EHBP1: variants seen among roughly 807,000 people sequenced by gnomAD.
The protein encoded by EHBP1 is EH domain binding protein 1.
In EHBP1, 55 loss-of-function variants were observed where a neutral mutation model predicts 144.0. The ratio of observed to expected loss-of-function variants is 0.38; its 90% CI spans 0.31 to 0.48. The LOEUF is 0.48. EHBP1 is among the 20% of genes least tolerant of loss of function. The pLI, the probability that EHBP1 is intolerant of heterozygous loss-of-function variation, is 0.98. For missense variants in EHBP1, 1,200 were observed against 1,364.2 expected (o/e 0.88, Z 1.90); for synonymous variants, 469 against 472.7 (o/e 0.99, Z 0.10).
chr2:62,884,607 G>T (rs1207178106), intron 10 of EHBP1, among the ~76,000 whole-genome samples: 1 of 152,114 alleles, frequency 6.6e-6, no homozygotes, highest in Non-Finnish European at 1.5e-5. Flanking sequence ...GTAGACTATT[G>T]CCAAACCAAA....
At chr2:62,792,808 C>T (rs146215059) in intron 5 of EHBP1, among the ~76,000 whole-genome samples, 3 of 152,034 alleles carry the variant, frequency 2.0e-5, no homozygotes, top group African/African-American at 4.8e-5. Context: ...TGCTGCTTAC[C>T]TACAGTGTTA....
intron 2 of EHBP1, among the ~76,000 whole-genome samples, chr2:62,739,103 G>A (rs1389649463): frequency 2.6e-5 from 4 of 152,132 alleles, no homozygotes; most frequent in Non-Finnish European, 5.9e-5. Context: ...CGTTACATTG[G>A]TCCTGTATTC....
chr2:62,812,860 T>C (rs1269460761), intron 5 of EHBP1, among the ~76,000 whole-genome samples: 1 of 152,018 alleles, frequency 6.6e-6, no homozygotes, highest in Non-Finnish European at 1.5e-5. Flanking sequence ...ATACAAAAAG[T>C]TGGAAGATTC....
chr2:62,943,878 G>A (rs763244750), intron 12 of EHBP1, 28 bp downstream of exon 12: 42 of 1,564,022 alleles, frequency 2.7e-5, no homozygotes, highest in Non-Finnish European at 3.3e-5. Flanking sequence ...AGAAAAATAC[G>A]TAGTTTCAAT....
chr2:63,021,244 C>G (rs1252953652), intron 19 of EHBP1, among the ~76,000 whole-genome samples: 1 of 152,078 alleles, frequency 6.6e-6, no homozygotes, highest in Non-Finnish European at 1.5e-5. Flanking sequence ...CCCTCTGTCT[C>G]TCCCCCAGCC....
intron 1 of EHBP1, among the ~76,000 whole-genome samples, chr2:62,677,815 T>G (rs750477066): frequency 6.6e-6 from 1 of 152,192 alleles, no homozygotes; most frequent in Admixed American, 6.5e-5. Flanking sequence ...AATAACAGGA[T>G]CTCATTCTTT....
chr2:62,836,131 G>A (rs990713568), intron 7 of EHBP1, among the ~76,000 whole-genome samples: 2 of 152,114 alleles, frequency 1.3e-5, no homozygotes, highest in African/African-American at 4.8e-5. Context: ...CTCCCAGCAC[G>A]CAGCTGGAGA....
chr2:63,036,664 A>G (rs945683996), intron 19 of EHBP1, among the ~76,000 whole-genome samples: 1 of 152,012 alleles, frequency 6.6e-6, no homozygotes, highest in African/African-American at 2.4e-5. Context: ...GTATAATTTG[A>G]AGGGAGAGAA....
chr2:62,864,623 CCATAGAGCTTATTAATT>C, intron 8 of EHBP1, 91 bp from the exon 9 acceptor site: 2 of 1,067,692 alleles, frequency 1.9e-6, no homozygotes, highest in Non-Finnish European at 2.7e-6. Context: ...TTTCTCAGCC[CCATAGAGCTTATTAATT>C]CAATAATGCA....
intron 3 of EHBP1, among the ~76,000 whole-genome samples, chr2:62,747,906 T>C (rs2039310588): frequency 1.3e-5 from 2 of 152,044 alleles, no homozygotes; most frequent in African/African-American, 2.4e-5. Flanking sequence ...TTTTGCCCTC[T>C]GCCTTCTGCC....
intron 2 of EHBP1, among the ~76,000 whole-genome samples, chr2:62,729,986 T>C (rs2037350402): frequency 6.6e-6 from 1 of 152,116 alleles, no homozygotes; most frequent in African/African-American, 2.4e-5. Flanking sequence ...AAAGCAAATA[T>C]TGCTATAGAG....
chr2:62,809,328 A>G (rs1017425427), intron 5 of EHBP1, among the ~76,000 whole-genome samples: 1 of 149,826 alleles, frequency 6.7e-6, no homozygotes, highest in Non-Finnish European at 1.5e-5. Context: ...AGAAGAGCAC[A>G]GTACCCTTGT....
intron 10 of EHBP1, among the ~76,000 whole-genome samples, chr2:62,915,569 T>C (rs562710210): frequency 6.6e-6 from 1 of 152,196 alleles, no homozygotes; most frequent in Non-Finnish European, 1.5e-5. Context: ...TAGATGGGAA[T>C]ACTAAATATT....
chr2:62,837,680 G>T (rs1172381233), intron 7 of EHBP1, among the ~76,000 whole-genome samples: 1 of 147,366 alleles, frequency 6.8e-6, no homozygotes, highest in Non-Finnish European at 1.5e-5. Flanking sequence ...AAAAGGCAGG[G>T]GTTGCAATCC....
intron 10 of EHBP1, among the ~76,000 whole-genome samples, chr2:62,911,608 C>A (rs2054222443): frequency 6.6e-6 from 1 of 152,218 alleles, no homozygotes; most frequent in South Asian, 2.1e-4. Flanking sequence ...ATTACAGGCG[C>A]CCATCACCAC....
At chr2:62,871,852 A>G (rs187196470) in intron 9 of EHBP1, among the ~76,000 whole-genome samples, 22 of 152,274 alleles carry the variant, frequency 1.4e-4, no homozygotes, top group Admixed American at 2.6e-4. Context: ...TGGGTTTCTC[A>G]GTTACTTATG....
intron 15 of EHBP1, among the ~76,000 whole-genome samples, chr2:62,982,332 C>T (rs1483736154): frequency 1.3e-5 from 2 of 152,160 alleles, no homozygotes; most frequent in Non-Finnish European, 2.9e-5. Context: ...CTGAACTTCC[C>T]TTTGCAGTCT....
At chr2:62,926,148 G>A (rs1488530496) in intron 10 of EHBP1, among the ~76,000 whole-genome samples, 1 of 152,052 alleles carries the variant, frequency 6.6e-6, no homozygotes, top group African/African-American at 2.4e-5. Context: ...GACACTCATT[G>A]GGGAAAGATA....
chr2:62,925,328 A>G (rs2055413539), intron 10 of EHBP1, among the ~76,000 whole-genome samples: 1 of 152,064 alleles, frequency 6.6e-6, no homozygotes, highest in Admixed American at 6.6e-5. Context: ...TCTATTCAGC[A>G]TACTACTAGA....
Sources: gnomAD v4.1 joint callset for allele counts (sites outside exome capture counted in the v4.1 genomes callset) on GRCh38, gnomAD v4.1.1 for gene constraint, MANE v1.5 for transcripts, NCBI Gene and HGNC (gene_info 2026-07-23, HGNC 2026-07-21) for gene names.